ZNF215: variants seen among roughly 807,000 people sequenced by gnomAD.
ZNF215 encodes the protein BWSCR2-associated zinc finger protein 2.
In ZNF215, 24 loss-of-function variants were observed where a neutral mutation model predicts 27.2. That is an observed-to-expected ratio of 0.88 (90% CI 0.64 to 1.24). The LOEUF (loss-of-function observed/expected upper bound fraction) is 1.24, where lower values mean the gene tolerates loss of function less well. Ranked by LOEUF, ZNF215 falls within the 50% of genes most tolerant of loss-of-function variation. ZNF215 has a pLI of 0.00. For missense variants in ZNF215, 675 were observed against 605.7 expected, an observed-to-expected ratio of 1.11 and a Z score of -1.20; for synonymous variants, 210 against 204.0, an observed-to-expected ratio of 1.03 and a Z score of -0.25.
At chr11:6,981,526 T>C (rs1850952109) in intron 5 of ZNF215, among the ~76,000 whole-genome samples, 1 of 152,158 alleles carries the variant, frequency 6.6e-6, no homozygotes. Flanking sequence ...GTCAGATGAG[T>C]AGGTTGTGAA....
intron 5 of ZNF215, among the ~76,000 whole-genome samples, chr11:6,964,690 T>C (rs2133324651): frequency 6.6e-6 from 1 of 151,866 alleles, no homozygotes; most frequent in Admixed American, 6.6e-5. Flanking sequence ...AGGTCTTTTT[T>C]TTTTTTTATT....
chr11:6,973,887 CTTTAG>C (rs1564974851), intron 5 of ZNF215, among the ~76,000 whole-genome samples: 1 of 152,140 alleles, frequency 6.6e-6, no homozygotes, highest in Non-Finnish European at 1.5e-5. Flanking sequence ...TGCAGAAGCT[CTTTAG>C]TTTAAATTAG....
chr11:6,962,623 G>T (rs1467445031), downstream of ZNF215, among the ~76,000 whole-genome samples: 1 of 152,074 alleles, frequency 6.6e-6, no homozygotes, highest in African/African-American at 2.4e-5. Context: ...AATGCTTGGT[G>T]TCTTCACCTT....
chr11:6,941,441 G>A, intron 3 of ZNF215, 130 bp from the exon 4 acceptor site: 1 of 689,906 alleles, frequency 1.4e-6, no homozygotes, highest in South Asian at 2.3e-5. Flanking sequence ...ATTGCTGGCA[G>A]GGCCTGACAT....
intron 2 of ZNF215, among the ~76,000 whole-genome samples, chr11:6,928,982 G>GTTA (rs1392940651): frequency 6.6e-6 from 1 of 152,146 alleles, no homozygotes; most frequent in Non-Finnish European, 1.5e-5. Flanking sequence ...ATGGTCTTTT[G>GTTA]TTATGAGTTT....
intron 5 of ZNF215, among the ~76,000 whole-genome samples, chr11:6,982,820 T>C (rs1351981478): frequency 1.3e-5 from 2 of 151,426 alleles, no homozygotes; most frequent in Admixed American, 1.3e-4. Flanking sequence ...GATCCAAAAT[T>C]GACACCCTAA....
At chr11:6,939,086 T>G (rs1849542952) in intron 3 of ZNF215, among the ~76,000 whole-genome samples, 1 of 152,162 alleles carries the variant, frequency 6.6e-6, no homozygotes, top group Non-Finnish European at 1.5e-5. Flanking sequence ...ATTTAGCTAT[T>G]GATTTATCCA....
intron 6 of ZNF215, among the ~76,000 whole-genome samples, chr11:6,949,856 A>G (rs1849982120): frequency 7.1e-6 from 1 of 141,298 alleles, no homozygotes; most frequent in South Asian, 2.1e-4. Flanking sequence ...TAGGGTTTTT[A>G]TGGTTTCAGG....
chr11:6,971,856 T>TAG (rs1850724871), intron 5 of ZNF215, among the ~76,000 whole-genome samples: 1 of 152,152 alleles, frequency 6.6e-6, no homozygotes, highest in Non-Finnish European at 1.5e-5. Flanking sequence ...AAGGTGTTTT[T>TAG]GAGTACATAA....
In ZNF215 at chr11:6,932,488, C is replaced by G; in HGVS notation, c.216C>G (p.Leu72=). The G allele has an allele frequency of 1.9e-6, 3 of 1,614,134 alleles. No homozygotes were observed. The highest frequency in any genetic ancestry group is 2.5e-6 in the Non-Finnish European group (3 of 1,180,024). The part of the protein sequence containing the change: ...PHEALSQLWE[L]CLQWLRPEIH... ...AAGCCCTGAGCCAACTCTGGGAGCT[C>G]TGTCTTCAATGGCTGAGACCAGAGA... Residue 72 remains leucine (L), a synonymous_variant, in exon 3 of 7, where the codon CTC becomes CTG. Transcript: ENST00000278319.
At chr11:6,971,148 G>A (rs1850711565) in intron 5 of ZNF215, among the ~76,000 whole-genome samples, 1 of 151,674 alleles carries the variant, frequency 6.6e-6, no homozygotes, top group African/African-American at 2.4e-5. Flanking sequence ...CATTAAATTT[G>A]AGTGTATTTC....
In ZNF215 at chr11:6,956,271, G is replaced by T; in HGVS notation, c.1294G>T (p.Ala432Ser). 2 of 1,614,026 alleles carry T rather than the reference G, an allele frequency of 1.2e-6. No individual in the cohort carries two copies. The highest frequency in any genetic ancestry group is 1.7e-6 in the Non-Finnish European group (2 of 1,179,990). ...LTKHQKLHAE[A>S]KACTSNKCGK... ...TAAGCATCAAAAACTTCATGCTGAAGCAAAGGCCTGCACAAGCAATAAATG... is the reference window on the plus strand; with the variant it reads ...TAAGCATCAAAAACTTCATGCTGAATCAAAGGCCTGCACAAGCAATAAATG... Residue 432 changes from alanine to serine, a missense_variant, in exon 7 of 7, where the codon GCA (alanine) becomes TCA (serine). Coordinates refer to ENST00000278319, the MANE Select transcript of ZNF215 (RefSeq NM_013250.4).
chr11:6,942,406 G>T (rs796411726), intron 4 of ZNF215, among the ~76,000 whole-genome samples: 3 of 152,114 alleles, frequency 2.0e-5, no homozygotes, highest in South Asian at 4.2e-4. Context: ...TGTTCTGAGG[G>T]CTGAAAATAT....
chr11:6,985,810 C>T (rs752637926), downstream of ZNF215, among the ~76,000 whole-genome samples: 6 of 151,952 alleles, frequency 3.9e-5, no homozygotes, highest in Non-Finnish European at 7.4e-5. Context: ...AATAAAATAC[C>T]TAAGAATACA....
At position 6,957,869 on chromosome 11, in the gene ZNF215, C is replaced by T; in HGVS notation, c.*1338C>T. The stretch of plus-strand genomic sequence containing the variant: ...CAGAACTGTGTCTTCTGTAAACTAC[C>T]TCAGGATCCCATCTGGTTCTTGAGC... On this transcript the variant is annotated 3_prime_UTR_variant, in exon 7 of 7. Transcript: ENST00000278319. The T allele has an allele frequency of 8.1e-6, 8 of 985,382 alleles. No homozygotes were observed. Among genetic ancestry groups the T allele is most frequent in the Non-Finnish European group, 9.6e-6 (8 of 829,932 alleles). The allele number at this position is 985,382 out of a possible 1,614,324, so 61.0% of individuals were successfully genotyped here.
intron 3 of ZNF215, among the ~76,000 whole-genome samples, chr11:6,933,669 C>G (rs955894509): frequency 6.6e-6 from 1 of 151,902 alleles, no homozygotes; most frequent in South Asian, 2.1e-4. Flanking sequence ...TGGGCGGGCA[C>G]CTGTAGTCCC....
rs1405760324 is a variant in ZNF215 at position 6,984,085 on chromosome 11, G to A, written c.806-44G>A. 7.5e-6 allele frequency: 3 copies of A among 399,842 alleles called. 1 individual carries two copies. Among genetic ancestry groups the A allele is most frequent in the Admixed American group, 6.2e-5 (2 of 32,134 alleles). The allele number at this position is 399,842 out of a possible 1,614,324, so 24.8% of individuals were successfully genotyped here. On this transcript the variant is annotated intron_variant, in intron 5 of 5. Transcript: ENST00000529903. ...GGGTATGAAGTGGTAAAATATTTCAGGAAGATAATTTGACAATGTCCCTTA... is the reference window on the plus strand; with the variant it reads ...GGGTATGAAGTGGTAAAATATTTCAAGAAGATAATTTGACAATGTCCCTTA...
chr11:6,942,441 T>C (rs1033348539), intron 4 of ZNF215, among the ~76,000 whole-genome samples: 1 of 152,224 alleles, frequency 6.6e-6, no homozygotes, highest in Non-Finnish European at 1.5e-5. Flanking sequence ...ATCCCAGCCT[T>C]GTGAAGATCA....
Position 6,956,264 on chromosome 11 carries a change from T to C in ZNF215, c.1287T>C (p.His429=), listed in dbSNP as rs750500676. The change falls in exon 7 of 7, where the codon CAT becomes CAC. Residue 429 remains histidine, a synonymous_variant. Transcript: ENST00000278319. ...RTNLTKHQKL[H]AEAKACTSNK... ...ACCTTACTAAGCATCAAAAACTTCA[T>C]GCTGAAGCAAAGGCCTGCACAAGCA... 29 of 1,613,874 alleles carry C rather than the reference T, an allele frequency of 1.8e-5. No individual in the cohort carries two copies. Among genetic ancestry groups the C allele is most frequent in the African/African-American group, 5.3e-5 (4 of 74,928 alleles).
Sources: gnomAD v4.1 joint callset for allele counts (sites outside exome capture counted in the v4.1 genomes callset) on GRCh38, gnomAD v4.1.1 for gene constraint, MANE v1.5 for transcripts, NCBI Gene and HGNC (gene_info 2026-07-23, HGNC 2026-07-21) for gene names.